Variants in VAT1L observed in about 807,000 individuals in gnomAD.
The protein encoded by VAT1L is vesicle amine transport 1 like.
A neutral mutation model predicts 44.1 loss-of-function variants in VAT1L; 34 were observed. That is an observed-to-expected ratio of 0.77 (90% CI 0.59 to 1.03). VAT1L has a LOEUF of 1.03. Among genes scored for constraint, VAT1L ranks in the 50% least tolerant of loss-of-function variants. VAT1L has a pLI of 0.00. For missense variants in VAT1L, 615 were observed against 538.8 expected (o/e 1.14, Z -1.40); for synonymous variants, 253 against 202.2 (o/e 1.25, Z -2.13).
intron 1 of VAT1L, among the ~76,000 whole-genome samples, chr16:77,798,968 A>G (rs1416945739): frequency 6.6e-6 from 1 of 151,130 alleles, no homozygotes; most frequent in East Asian, 2.0e-4. Context: ...TTCCCCTTCC[A>G]TCTTTCATCC....
rs1341428360 is a variant in VAT1L, at chr16:77,970,579, CAT to C, written c.1078-1270_1078-1269del. Among the ~76,000 whole-genome samples the C allele has an allele frequency of 3.9e-5, 6 of 152,168 alleles. No individual in the cohort carries two copies. In the East Asian group the frequency reaches 1.2e-3, roughly 29 times the overall value. ...ACATATCATTTCCTTTCAGTAGACA[CAT>C]GTGAGAGTCATTATTTACTTAATCA... On this transcript the variant is annotated intron_variant, in intron 7 of 8. Transcript: ENST00000302536.
At chr16:77,806,235 A>T (rs2016156422) in intron 1 of VAT1L, among the ~76,000 whole-genome samples, 1 of 150,746 alleles carries the variant, frequency 6.6e-6, no homozygotes, top group Non-Finnish European at 1.5e-5. Context: ...TTTGAGATGG[A>T]CTCTCGCTCT....
At chr16:77,920,224 T>C (rs1357112738) in intron 7 of VAT1L, among the ~76,000 whole-genome samples, 1 of 152,196 alleles carries the variant, frequency 6.6e-6, no homozygotes, top group South Asian at 2.1e-4. Context: ...CTGGAAACTT[T>C]TGCTTTTCAT....
intron 7 of VAT1L, among the ~76,000 whole-genome samples, chr16:77,923,043 G>C (rs2017629034): frequency 6.6e-6 from 1 of 152,198 alleles, no homozygotes; most frequent in Admixed American, 6.5e-5. Flanking sequence ...TGCCACAGTG[G>C]TGGGCTTTGG....
intron 7 of VAT1L, 135 bp from the exon 8 acceptor site, chr16:77,971,715 G>A (rs922923552): frequency 6.1e-6 from 5 of 822,962 alleles, no homozygotes; most frequent in Non-Finnish European, 9.6e-6. Context: ...GCGTCCAACA[G>A]CAACCTCTTA....
chr16:77,891,299 A>G (rs1337744645), intron 7 of VAT1L, among the ~76,000 whole-genome samples: 1 of 152,172 alleles, frequency 6.6e-6, no homozygotes, highest in Non-Finnish European at 1.5e-5. Context: ...GCTTGCAGTG[A>G]GCCGAGATCG....
At chr16:77,867,679 T>C (rs1422920271) in intron 4 of VAT1L, among the ~76,000 whole-genome samples, 1 of 151,842 alleles carries the variant, frequency 6.6e-6, no homozygotes, top group African/African-American at 2.4e-5. Flanking sequence ...GCCAACATGG[T>C]GAAACCCCGT....
intron 2 of VAT1L, among the ~76,000 whole-genome samples, chr16:77,817,693 A>G (rs1026456211): frequency 6.6e-6 from 1 of 152,216 alleles, no homozygotes; most frequent in Non-Finnish European, 1.5e-5. Flanking sequence ...AAAATTCTCC[A>G]TAATAAAACC....
At chr16:77,972,585 A>T (rs2018292280) in intron 8 of VAT1L, among the ~76,000 whole-genome samples, 1 of 151,906 alleles carries the variant, frequency 6.6e-6, no homozygotes, top group Admixed American at 6.6e-5. Context: ...GTTTGAGACC[A>T]GCCTGGCCAA....
intron 7 of VAT1L, among the ~76,000 whole-genome samples, chr16:77,910,662 A>T (rs1378004460): frequency 1.9e-4 from 23 of 122,780 alleles, no homozygotes; most frequent in Non-Finnish European, 3.4e-4. Context: ...CAACAGAGTG[A>T]GACTCCTTCT....
At chr16:77,920,791 G>T (rs2017603368) in intron 7 of VAT1L, among the ~76,000 whole-genome samples, 1 of 152,104 alleles carries the variant, frequency 6.6e-6, no homozygotes, top group Admixed American at 6.5e-5. Context: ...GCAATAAACT[G>T]TACCATACGG....
intron 7 of VAT1L, among the ~76,000 whole-genome samples, chr16:77,910,882 C>T (rs1160880397): frequency 6.6e-6 from 1 of 152,162 alleles, no homozygotes; most frequent in Non-Finnish European, 1.5e-5. Flanking sequence ...AGCATTACGA[C>T]AGTACATCTT....
intron 3 of VAT1L, among the ~76,000 whole-genome samples, chr16:77,838,169 G>T (rs1297678038): frequency 6.6e-6 from 1 of 152,164 alleles, no homozygotes; most frequent in Non-Finnish European, 1.5e-5. Context: ...TTGGATACAT[G>T]CTGAGAACTC....
chr16:77,898,064 T>TC (rs1465264607), intron 7 of VAT1L, among the ~76,000 whole-genome samples: 6 of 152,160 alleles, frequency 3.9e-5, no homozygotes, highest in African/African-American at 1.4e-4. Context: ...TGCATCTCTC[T>TC]TAGGTCTGGC....
chr16:77,956,394 T>C (rs1322638192), intron 7 of VAT1L, among the ~76,000 whole-genome samples: 2 of 152,140 alleles, frequency 1.3e-5, no homozygotes, highest in African/African-American at 4.8e-5. Context: ...AAACTCCCAC[T>C]TACCTCATTG....
intron 3 of VAT1L, among the ~76,000 whole-genome samples, chr16:77,834,458 T>A (rs1055344638): frequency 3.9e-5 from 6 of 152,190 alleles, no homozygotes; most frequent in African/African-American, 1.4e-4. Context: ...GACAGAGGTA[T>A]GCGATGCACA....
At chr16:77,959,948 C>T (rs1393301642) in intron 7 of VAT1L, among the ~76,000 whole-genome samples, 1 of 152,008 alleles carries the variant, frequency 6.6e-6, no homozygotes, top group Admixed American at 6.6e-5. Context: ...TTCAGTCTCT[C>T]CTGTCACATT....
At position 77,975,231 on chromosome 16, in the gene VAT1L, A is replaced by AGAC. The variant is rs1567527927; in HGVS notation, c.1162-2365_1162-2363dup. On this transcript the variant is annotated intron_variant, in intron 8 of 8. Transcript: ENST00000302536. ...TTTTTTTTTTTTTTTTTTTTTTTAA[A>AGAC]GACAGTCTCATTCTGTCACCCAGGC... Among the ~76,000 whole-genome samples, 7 of 62,496 alleles carry AGAC rather than the reference A, an allele frequency of 1.1e-4. No individual in the cohort carries two copies. The South Asian group carries it at 1.3e-3, about 12-fold the overall frequency. 41.0% of individuals were successfully genotyped at this position (62,496 alleles called of 152,430 possible). A position where few individuals can be genotyped will look rare whatever the true frequency, so the allele number is the denominator to read the frequency against.
intron 1 of VAT1L, among the ~76,000 whole-genome samples, chr16:77,805,019 G>C (rs2016130860): frequency 6.6e-6 from 1 of 152,130 alleles, no homozygotes; most frequent in South Asian, 2.1e-4. Flanking sequence ...GGGTGGACAG[G>C]GTTATGTGGA....
Sources: gnomAD v4.1 joint callset for allele counts (sites outside exome capture counted in the v4.1 genomes callset) on GRCh38, gnomAD v4.1.1 for gene constraint, MANE v1.5 for transcripts, NCBI Gene and HGNC (gene_info 2026-07-23, HGNC 2026-07-21) for gene names.